Variants in MEGF6 observed in about 807,000 individuals in gnomAD.
MEGF6 encodes multiple epidermal growth factor-like domains protein 6.
In MEGF6, 184 loss-of-function variants were observed where a neutral mutation model predicts 207.1. The observed-to-expected ratio is 0.89, with a 90% CI of 0.79 to 1.00. MEGF6 has a LOEUF of 1.00. MEGF6 is among the 50% of genes least tolerant of loss of function. The pLI, the probability that MEGF6 is intolerant of heterozygous loss-of-function variation, is 0.00. For missense variants in MEGF6, 2,282 were observed against 2,202.9 expected (o/e 1.04, Z -0.72); for synonymous variants, 1,038 against 910.0 (o/e 1.14, Z -2.53).
At chr1:3,507,432 AC>A (rs1214467119) in intron 14 of MEGF6, among the ~76,000 whole-genome samples, 2 of 151,964 alleles carry the variant, frequency 1.3e-5, no homozygotes, top group African/African-American at 4.8e-5. Flanking sequence ...TGCAAACCTC[AC>A]CCAGCCATCA....
At chr1:3,524,006 G>C in intron 5 of MEGF6, 118 bp downstream of exon 5, 1 of 1,189,956 alleles carries the variant, frequency 8.4e-7, no homozygotes, top group Non-Finnish European at 1.2e-6. Flanking sequence ...GCCACTGCCA[G>C]AGCGGCCTCT....
At chr1:3,600,384 G>A (rs1181921516) in intron 2 of MEGF6, among the ~76,000 whole-genome samples, 1 of 152,334 alleles carries the variant, frequency 6.6e-6, no homozygotes, top group East Asian at 1.9e-4. Flanking sequence ...AGTGAGTTGG[G>A]AACCTGGTCA....
In MEGF6 at chr1:3,602,453, C is replaced by T; in HGVS notation, c.266+13G>A. On this transcript the variant is annotated intron_variant, in intron 2 of 36. Coordinates refer to ENST00000356575, the MANE Select transcript of MEGF6 (RefSeq NM_001409.4). ...AATGGAGCCCCTCCCCCAACACGGG[C>T]CCCTGCACTTACCTCCGCTCATGAC... 1.5e-5 allele frequency: 24 copies of T among 1,613,238 alleles called. No homozygotes were observed. Among genetic ancestry groups the T allele is most frequent in the Admixed American group, 3.3e-5 (2 of 60,000 alleles).
At chr1:3,598,060 G>A (rs1032018469) in intron 2 of MEGF6, among the ~76,000 whole-genome samples, 16 of 152,194 alleles carry the variant, frequency 1.1e-4, no homozygotes, top group Admixed American at 3.9e-4. Context: ...CGCCCGCCCC[G>A]GGCCTGCCCT....
intron 11 of MEGF6, 72 bp downstream of exon 11, chr1:3,509,798 C>T (rs1025221735): frequency 1.2e-5 from 18 of 1,469,000 alleles, no homozygotes; most frequent in Admixed American, 1.0e-4. Context: ...GCCAGGCCTG[C>T]GGGACGCAGG....
Position 3,495,983 on chromosome 1 carries a change from G to T in MEGF6, c.3778C>A (p.His1260Asn). The change falls in exon 30 of 37, where the codon CAC (histidine) becomes AAC (asparagine). Residue 1260 changes from histidine to asparagine, a missense_variant. By Grantham distance (68) the His-to-Asn change is moderately conservative. Transcript: ENST00000356575. ...GCCCCCTGCCCACACCCACACACGTGGGTGCAGTTGGGGCCGAAGCGGCCC... is the reference window on the plus strand; with the variant it reads ...GCCCCCTGCCCACACCCACACACGTTGGTGCAGTTGGGGCCGAAGCGGCCC... ...PQGRFGPNCT[H>N]VCGCGQGAAC... is the part of the protein sequence containing the mutation. The T allele has an allele frequency of 1.3e-6, 2 of 1,560,746 alleles. No homozygotes were observed. The highest frequency in any genetic ancestry group is 2.3e-5 in the East Asian group (1 of 43,544).
At chr1:3,575,526 C>A (rs10909972) in intron 4 of MEGF6, among the ~76,000 whole-genome samples, 2 of 152,152 alleles carry the variant, frequency 1.3e-5, no homozygotes, top group African/African-American at 4.8e-5. Context: ...TGCTGACATA[C>A]CCTAGACTGG....
intron 30 of MEGF6, 66 bp downstream of exon 30, chr1:3,495,824 C>T: frequency 6.4e-7 from 1 of 1,558,434 alleles, no homozygotes; most frequent in Non-Finnish European, 8.6e-7. Flanking sequence ...TCCAGTGTCC[C>T]CACGGCTAAT....
At chr1:3,603,846 G>T (rs561834914) in intron 1 of MEGF6, among the ~76,000 whole-genome samples, 10 of 152,292 alleles carry the variant, frequency 6.6e-5, no homozygotes, top group African/African-American at 1.9e-4. Flanking sequence ...CAGGCCAGCC[G>T]CCCCCAGATG....
At chr1:3,532,799 T>C (rs1488781086) in intron 4 of MEGF6, among the ~76,000 whole-genome samples, 1 of 152,158 alleles carries the variant, frequency 6.6e-6, no homozygotes, top group East Asian at 1.9e-4. Context: ...CGGGTAGAGC[T>C]GTGGGGAAGA....
At position 3,510,784 on chromosome 1, in the gene MEGF6, C is replaced by G. The variant is rs756666826; in HGVS notation, c.1233G>C (p.Glu411Asp). The G allele has an allele frequency of 6.2e-7, 1 of 1,601,528 alleles. No individual in the cohort carries two copies. Among genetic ancestry groups the G allele is most frequent in the South Asian group, 1.1e-5 (1 of 90,484 alleles). The change falls in exon 10 of 37, where the codon GAG becomes GAC. Residue 411 changes from glutamate to aspartate, a missense_variant and splice_region_variant. Physicochemically the swap from Glu to Asp is conservative, Grantham distance 45. Transcript: ENST00000356575. ...YRLSADGCGC[E>D]DVDECASSRG... ...GTGCAGTGGCAGGGCAGTGCTCACCCTCACAGCCGCAGCCATCGGCACTGA... is the reference window on the plus strand; with the variant it reads ...GTGCAGTGGCAGGGCAGTGCTCACCGTCACAGCCGCAGCCATCGGCACTGA...
rs985178135 is a variant in MEGF6, at chr1:3,578,812, C to T, written c.481+1013G>A. Among the ~76,000 whole-genome samples the T allele has an allele frequency of 4.2e-3, 631 of 150,478 alleles. 5 individuals carry two copies. Among genetic ancestry groups the T allele is most frequent in the African/African-American group, 0.015 (591 of 40,164 alleles). ...AACCCCTCCTCAGCCTGGTCCCCAG[C>T]GGAACGTGGAGTGGGCAGGAGTGTC... On this transcript the variant is annotated intron_variant, in intron 4 of 36. Coordinates refer to ENST00000356575, the MANE Select transcript of MEGF6 (RefSeq NM_001409.4).
At position 3,510,904 on chromosome 1, in the gene MEGF6, T is replaced by A. The variant is rs1047020579; in HGVS notation, c.1115-2A>T. On this transcript the variant is annotated splice_acceptor_variant, in intron 9 of 36. Transcript: ENST00000356575. LOFTEE classifies it high-confidence loss of function. ...GGCTGTCTGCACAGTCGTCGACATCTGTGGAGCACACGCCACGGGCCCCCT... is the reference window on the plus strand; with the variant it reads ...GGCTGTCTGCACAGTCGTCGACATCAGTGGAGCACACGCCACGGGCCCCCT... 2 of 1,598,924 alleles carry A rather than the reference T, an allele frequency of 1.3e-6. No individual in the cohort carries two copies.
chr1:3,509,734 T>C (rs1641262262), intron 11 of MEGF6, 136 bp downstream of exon 11: 2 of 1,246,432 alleles, frequency 1.6e-6, no homozygotes, highest in East Asian at 5.3e-5. Flanking sequence ...CTGAGGTGTG[T>C]TGGCCCAGAG....
At chr1:3,536,606 G>C (rs1642336999) in intron 4 of MEGF6, among the ~76,000 whole-genome samples, 1 of 152,176 alleles carries the variant, frequency 6.6e-6, no homozygotes, top group Non-Finnish European at 1.5e-5. Flanking sequence ...GGAGAATGTG[G>C]GGTCTGGAAG....
chr1:3,509,278 C>A, intron 11 of MEGF6, 33 bp from the exon 12 acceptor site: 2 of 1,403,178 alleles, frequency 1.4e-6, no homozygotes, highest in East Asian at 2.9e-5. Flanking sequence ...TTAGCCCCTG[C>A]CACCCACCTG....
At position 3,496,869 on chromosome 1, in the gene MEGF6, C is replaced by T. The variant is rs553513038; in HGVS notation, c.3614-86G>A. On this transcript the variant is annotated intron_variant, in intron 28 of 36. Transcript: ENST00000356575. ...CACAGCAAGGCAGCTCTCATGAGAC[C>T]CCCACACCCTCCATCTTCCACCCCC... 1.8e-4 allele frequency: 277 copies of T among 1,519,796 alleles called. 2 individuals carry two copies. The South Asian group carries it at 2.3e-3, about 13-fold the overall frequency. 94.1% of individuals were successfully genotyped at this position (1,519,796 alleles called of 1,614,324 possible).
At chr1:3,531,381 G>A (rs1229038459) in intron 4 of MEGF6, 17 of 1,169,200 alleles carry the variant, frequency 1.5e-5, no homozygotes, top group Non-Finnish European at 1.7e-5. Flanking sequence ...CCCGGGATCC[G>A]CTCCGCTCGG....
chr1:3,552,972 G>A (rs1642930988), intron 4 of MEGF6, among the ~76,000 whole-genome samples: 1 of 152,214 alleles, frequency 6.6e-6, no homozygotes, highest in East Asian at 1.9e-4. Flanking sequence ...CCCAGGGCCC[G>A]GCCAGGCCCC....
Sources: allele counts gnomAD v4.1 joint callset (sites outside exome capture counted in the v4.1 genomes callset), GRCh38; gene constraint gnomAD v4.1.1; transcripts MANE v1.5; gene names NCBI Gene and HGNC (gene_info 2026-07-23, HGNC 2026-07-21).